Variants in NTM observed in about 807,000 individuals in gnomAD.
NTM encodes IgLON family member 2.
In NTM, 13 loss-of-function variants were observed where a neutral mutation model predicts 42.1. The observed-to-expected ratio is 0.31, with a 90% CI of 0.20 to 0.49. NTM has a LOEUF of 0.49. Ranked by LOEUF, NTM falls within the 20% of genes least tolerant of loss-of-function variation. The pLI is 0.99. For synonymous variants in NTM, 187 were observed against 179.2 expected (o/e 1.04, Z -0.35); for missense variants, 373 against 452.8 (o/e 0.82, Z 1.60).
At chr11:131,499,646 C>A (rs911363562) in intron 1 of NTM, among the ~76,000 whole-genome samples, 1 of 151,088 alleles carries the variant, frequency 6.6e-6, no homozygotes, top group Non-Finnish European at 1.5e-5. Flanking sequence ...CTAACTCGTC[C>A]CCTGTGACTC....
intron 3 of NTM, among the ~76,000 whole-genome samples, chr11:132,204,114 G>T (rs1409191992): frequency 6.6e-6 from 1 of 152,186 alleles, no homozygotes; most frequent in African/African-American, 2.4e-5. Flanking sequence ...ATTCCAGGTA[G>T]ACCTGGGCAG....
intron 2 of NTM, among the ~76,000 whole-genome samples, chr11:132,046,956 T>G (rs928377415): frequency 7.2e-5 from 11 of 152,234 alleles, no homozygotes; most frequent in Non-Finnish European, 1.3e-4. Context: ...GGAATTACAT[T>G]AAGATCTTAT....
chr11:131,763,709 C>CTTTTTTTTTTTTT (rs557522093), intron 1 of NTM, among the ~76,000 whole-genome samples: 1,927 of 71,156 alleles, frequency 0.027, 315 homozygotes, highest in East Asian at 0.077. Flanking sequence ...ATCTCTCTCT[C>CTTTTTTTTTTTTT]TTTTTTTTTT....
chr11:131,938,550 A>T lies in NTM; in HGVS notation c.167+26902A>T, dbSNP rs118000304. On this transcript the variant is annotated intron_variant, in intron 2 of 8. Coordinates refer to ENST00000683400, the MANE Select transcript of NTM (RefSeq NM_001352005.2). ...TGAAGAGTTTGCCTTTTCTCTGCGT[A>T]CAATGGAAAGGAGAAGAGGTTTTAA... 3.5e-3 allele frequency among the ~76,000 whole-genome samples: 533 copies of T among 152,342 alleles called. 10 individuals carry two copies. In the East Asian group the frequency reaches 0.048, roughly 14 times the overall value.
chr11:131,817,703 C>T (rs909131485), intron 1 of NTM, among the ~76,000 whole-genome samples: 1 of 152,226 alleles, frequency 6.6e-6, no homozygotes, highest in Non-Finnish European at 1.5e-5. Flanking sequence ...TCCCTCTGCT[C>T]CACCTCCTTC....
At chr11:131,786,289 G>C (rs2089200160) in intron 1 of NTM, among the ~76,000 whole-genome samples, 1 of 152,180 alleles carries the variant, frequency 6.6e-6, no homozygotes, top group Non-Finnish European at 1.5e-5. Flanking sequence ...ACTACACTTT[G>C]ATGTGTTTTG....
intron 1 of NTM, among the ~76,000 whole-genome samples, chr11:131,483,074 C>T (rs1953785053): frequency 1.3e-5 from 2 of 152,174 alleles, no homozygotes; most frequent in South Asian, 2.1e-4. Context: ...GTTGTTGAAG[C>T]ATTTTCCTTT....
At chr11:132,324,556 G>C (rs1430083100) in intron 7 of NTM, among the ~76,000 whole-genome samples, 3 of 150,598 alleles carry the variant, frequency 2.0e-5, no homozygotes, top group Non-Finnish European at 4.4e-5. Flanking sequence ...TTCCATGCTC[G>C]TGGGTAGGAA....
intron 1 of NTM, among the ~76,000 whole-genome samples, chr11:131,615,773 T>C (rs2061869373): frequency 6.6e-6 from 1 of 152,168 alleles, no homozygotes; most frequent in Admixed American, 6.5e-5. Flanking sequence ...TTTTGTACCA[T>C]GATTATTTTG....
At chr11:131,761,852 T>C (rs2084252099) in intron 1 of NTM, among the ~76,000 whole-genome samples, 1 of 131,548 alleles carries the variant, frequency 7.6e-6, no homozygotes, top group South Asian at 2.4e-4. Flanking sequence ...AATAAATAAA[T>C]AAATAAATAA....
At position 131,973,545 on chromosome 11, in the gene NTM, C is replaced by T. The variant is rs181450411; in HGVS notation, c.167+61897C>T. 1.2e-3 allele frequency among the ~76,000 whole-genome samples: 190 copies of T among 152,344 alleles called. 1 individual carries two copies. Among genetic ancestry groups the T allele is most frequent in the Middle Eastern group, 3.4e-3 (1 of 294 alleles). ...AGAAGACTAACTGGCACAGGCCAGG[C>T]GCTGTGGCTCATGCCGATAATCCCA... On this transcript the variant is annotated intron_variant, in intron 2 of 8. Coordinates refer to ENST00000683400, the MANE Select transcript of NTM (RefSeq NM_001352005.2).
intron 1 of NTM, among the ~76,000 whole-genome samples, chr11:131,496,309 A>C (rs1955334025): frequency 1.3e-5 from 2 of 152,186 alleles, no homozygotes. Context: ...AGTCAGCTGG[A>C]GTTCAGCCCC....
intron 1 of NTM, among the ~76,000 whole-genome samples, chr11:131,444,559 G>T: frequency 6.6e-6 from 1 of 152,126 alleles, no homozygotes; most frequent in South Asian, 2.1e-4. Flanking sequence ...AGAATGAATT[G>T]AGGAAGGAAG....
intron 1 of NTM, among the ~76,000 whole-genome samples, chr11:131,665,485 A>G (rs946841078): frequency 2.6e-5 from 4 of 152,204 alleles, no homozygotes; most frequent in African/African-American, 9.7e-5. Context: ...AAGAGGTCAT[A>G]TGGCTAGGAC....
rs1027372177 is a variant in NTM at position 131,633,790 on chromosome 11, A to T, written c.82+262902A>T. 4.6e-3 allele frequency among the ~76,000 whole-genome samples: 441 copies of T among 95,946 alleles called. 2 individuals carry two copies. Among genetic ancestry groups the T allele is most frequent in the African/African-American group, 0.018 (413 of 22,724 alleles). 62.9% of individuals were successfully genotyped at this position (95,946 alleles called of 152,430 possible). A position where few individuals can be genotyped will look rare whatever the true frequency, so the allele number is the denominator to read the frequency against. ...CCCTCTCTCTCTCTCTCTCTCTCTC[A>T]CACACACACACACACAGCCATACAA... On this transcript the variant is annotated intron_variant, in intron 1 of 8. Transcript: ENST00000683400.
chr11:132,107,964 G>C (rs2062626476), intron 2 of NTM, among the ~76,000 whole-genome samples: 1 of 152,100 alleles, frequency 6.6e-6, no homozygotes. Context: ...CTGACTTATA[G>C]GTATAGTGAT....
Position 131,825,579 on chromosome 11 carries a change from T to C in NTM, c.83-85985T>C, listed in dbSNP as rs185712663. Among the ~76,000 whole-genome samples the C allele has an allele frequency of 1.2e-4, 18 of 152,260 alleles. No individual in the cohort carries two copies. The East Asian group carries it at 3.3e-3, about 28-fold the overall frequency. ...CACAAAAGTGTCCCAACCTCTGCAC[T>C]GTATGGGAAGGTTGGGTGTGGACAG... is the stretch of plus-strand genomic sequence containing the variant. On this transcript the variant is annotated intron_variant, in intron 1 of 8. Coordinates refer to ENST00000683400, the MANE Select transcript of NTM (RefSeq NM_001352005.2).
At chr11:132,178,382 C>T (rs2077111685) in intron 3 of NTM, among the ~76,000 whole-genome samples, 1 of 152,172 alleles carries the variant, frequency 6.6e-6, no homozygotes, top group African/African-American at 2.4e-5. Flanking sequence ...CCCACTTTGC[C>T]TTTCTGTCAG....
intron 2 of NTM, among the ~76,000 whole-genome samples, chr11:132,017,915 CG>C (rs1034978897): frequency 3.3e-5 from 5 of 151,832 alleles, no homozygotes; most frequent in Non-Finnish European, 7.4e-5. Flanking sequence ...ATTTCATGTT[CG>C]GCTTGTTTAT....
Sources: allele counts gnomAD v4.1 joint callset (sites outside exome capture counted in the v4.1 genomes callset), GRCh38; gene constraint gnomAD v4.1.1; transcripts MANE v1.5; gene names NCBI Gene and HGNC (gene_info 2026-07-23, HGNC 2026-07-21).